Variants in LSAMP observed in about 807,000 individuals in gnomAD.
LSAMP encodes the protein limbic system-associated membrane protein.
Under a neutral mutation model 38.6 loss-of-function variants are expected in LSAMP, and 7 were observed. The ratio of observed to expected loss-of-function variants is 0.18; its 90% CI spans 0.10 to 0.34. The LOEUF (loss-of-function observed/expected upper bound fraction) is 0.34, where lower values mean the gene tolerates loss of function less well. LSAMP is among the 10% of genes least tolerant of loss of function. The probability of loss-of-function intolerance (pLI) is 1.00; values close to 1 mark genes in which losing one functional copy is unlikely to be tolerated. For missense variants in LSAMP, 313 were observed against 420.0 expected (o/e 0.75, Z 2.23); for synonymous variants, 154 against 166.8 (o/e 0.92, Z 0.59).
intron 1 of LSAMP, among the ~76,000 whole-genome samples, chr3:116,285,490 C>T (rs1295763310): frequency 1.3e-5 from 2 of 152,096 alleles, no homozygotes; most frequent in African/African-American, 4.8e-5. Context: ...GGCTCATTCC[C>T]TCTTCTTTCA....
At chr3:116,402,895 A>G (rs1289077570) in intron 1 of LSAMP, among the ~76,000 whole-genome samples, 2 of 151,960 alleles carry the variant, frequency 1.3e-5, no homozygotes, top group Non-Finnish European at 2.9e-5. Flanking sequence ...ACATCTTTAC[A>G]CTGTCTAGTG....
chr3:116,154,883 T>C (rs1462726639), intron 1 of LSAMP, among the ~76,000 whole-genome samples: 1 of 152,170 alleles, frequency 6.6e-6, no homozygotes, highest in East Asian at 1.9e-4. Flanking sequence ...TTAAAGATAT[T>C]GAAATAGCCA....
chr3:116,156,307 G>A (rs913489267), intron 1 of LSAMP, among the ~76,000 whole-genome samples: 1 of 152,160 alleles, frequency 6.6e-6, no homozygotes. Context: ...AAATCCTAAC[G>A]TTGAGTAAAA....
intron 1 of LSAMP, among the ~76,000 whole-genome samples, chr3:116,439,044 C>T (rs1270968440): frequency 1.3e-5 from 2 of 152,100 alleles, no homozygotes; most frequent in African/African-American, 2.4e-5. Context: ...TGGTTTTTAC[C>T]TCTATGTACA....
intron 1 of LSAMP, among the ~76,000 whole-genome samples, chr3:116,135,199 A>C (rs1709221352): frequency 6.6e-6 from 1 of 152,186 alleles, no homozygotes; most frequent in Non-Finnish European, 1.5e-5. Context: ...CTGACACTAA[A>C]GTCAATGCTC....
chr3:116,089,158 A>G (rs1197470501), intron 1 of LSAMP, among the ~76,000 whole-genome samples: 2 of 152,218 alleles, frequency 1.3e-5, no homozygotes, highest in African/African-American at 4.8e-5. Flanking sequence ...TCTTACCTAA[A>G]GAAGTAATTG....
chr3:116,147,975 T>G (rs1416332907), intron 1 of LSAMP, among the ~76,000 whole-genome samples: 1 of 151,962 alleles, frequency 6.6e-6, no homozygotes, highest in African/African-American at 2.4e-5. Context: ...TACAATTTTT[T>G]TGTCCTTAGA....
chr3:115,947,616 A>G (rs971900237), intron 3 of LSAMP, among the ~76,000 whole-genome samples: 5 of 152,340 alleles, frequency 3.3e-5, no homozygotes, highest in African/African-American at 1.2e-4. Context: ...CACTTTGTGG[A>G]AAGTCATCAA....
chr3:116,132,710 A>G (rs2107504407), intron 1 of LSAMP, among the ~76,000 whole-genome samples: 1 of 152,204 alleles, frequency 6.6e-6, no homozygotes, highest in Non-Finnish European at 1.5e-5. Flanking sequence ...ATAATAATTT[A>G]GCACTTTTAT....
chr3:116,072,751 G>GTT (rs1559731710), intron 2 of LSAMP, among the ~76,000 whole-genome samples: 13 of 118,698 alleles, frequency 1.1e-4, no homozygotes, highest in Non-Finnish European at 2.0e-4. Context: ...GGTTGTTTGT[G>GTT]GTTTTTTTTT....
chr3:116,207,470 T>G (rs1010999230), intron 1 of LSAMP, among the ~76,000 whole-genome samples: 3 of 150,686 alleles, frequency 2.0e-5, no homozygotes, highest in African/African-American at 7.3e-5. Flanking sequence ...GTGATTTTGC[T>G]CGTTAGTTGA....
At chr3:115,834,454 T>C (rs1934717476) in intron 6 of LSAMP, 1 of 839,890 alleles carries the variant, frequency 1.2e-6, no homozygotes, top group Admixed American at 2.4e-5. Flanking sequence ...TGATTTATAT[T>C]GTATGTGAAT....
intron 1 of LSAMP, among the ~76,000 whole-genome samples, chr3:116,223,651 A>G (rs1468244341): frequency 6.6e-6 from 1 of 152,212 alleles, no homozygotes; most frequent in African/African-American, 2.4e-5. Context: ...GTTTTTATTA[A>G]AGTGGTGATA....
chr3:116,295,140 G>C (rs1018663166), intron 1 of LSAMP, among the ~76,000 whole-genome samples: 4 of 152,146 alleles, frequency 2.6e-5, no homozygotes, highest in Admixed American at 6.5e-5. Flanking sequence ...TTATAGTTGA[G>C]AGAAAAAGAA....
At chr3:116,152,338 G>A (rs929310808) in intron 1 of LSAMP, among the ~76,000 whole-genome samples, 1 of 152,048 alleles carries the variant, frequency 6.6e-6, no homozygotes, top group Non-Finnish European at 1.5e-5. Context: ...TCTGCAATCG[G>A]TACCCATGCT....
intron 1 of LSAMP, among the ~76,000 whole-genome samples, chr3:116,158,906 A>C (rs1709819514): frequency 6.6e-6 from 1 of 152,182 alleles, no homozygotes. Context: ...TCATAAGCAA[A>C]AACGAAACAA....
chr3:116,076,407 G>C (rs1420229558), intron 2 of LSAMP, among the ~76,000 whole-genome samples: 2 of 151,994 alleles, frequency 1.3e-5, no homozygotes, highest in Non-Finnish European at 1.5e-5. Context: ...ATAGGAGCCC[G>C]CCACCACGCC....
intron 1 of LSAMP, among the ~76,000 whole-genome samples, chr3:116,156,771 C>T (rs1709759421): frequency 2.0e-5 from 3 of 151,948 alleles, no homozygotes; most frequent in African/African-American, 4.8e-5. Context: ...TACAAAAAAG[C>T]AAATCATAAT....
chr3:116,197,718 T>A (rs1279913636), intron 1 of LSAMP, among the ~76,000 whole-genome samples: 1 of 152,182 alleles, frequency 6.6e-6, no homozygotes, highest in Non-Finnish European at 1.5e-5. Flanking sequence ...ACTGGGAAAC[T>A]GACAGTCAGG....
Sources: gnomAD v4.1 joint callset for allele counts (sites outside exome capture counted in the v4.1 genomes callset) on GRCh38, gnomAD v4.1.1 for gene constraint, MANE v1.5 for transcripts, NCBI Gene and HGNC (gene_info 2026-07-23, HGNC 2026-07-21) for gene names.